The following SLMAP variants were observed in gnomAD, a reference collection of about 807,000 sequenced individuals.
SLMAP encodes sarcolemma associated protein.
Under a neutral mutation model 128.8 loss-of-function variants are expected in SLMAP, and 44 were observed. The observed-to-expected ratio is 0.34, with a 90% CI of 0.27 to 0.44. The LOEUF is 0.44. Ranked by LOEUF, SLMAP falls within the 20% of genes least tolerant of loss-of-function variation. The pLI is 1.00. For synonymous variants in SLMAP, 327 were observed against 348.8 expected (o/e 0.94, Z 0.70); for missense variants, 787 against 985.3 (o/e 0.80, Z 2.69).
chr3:57,757,931 C>A, intron 2 of SLMAP, 82 bp downstream of exon 2: 1 of 1,207,428 alleles, frequency 8.3e-7, no homozygotes, highest in Non-Finnish European at 1.2e-6. Context: ...CTAATGTATG[C>A]AGGATCCCAG....
At chr3:57,905,972 G>A (rs1399810072) in intron 17 of SLMAP, among the ~76,000 whole-genome samples, 1 of 147,392 alleles carries the variant, frequency 6.8e-6, no homozygotes, top group East Asian at 2.0e-4. Context: ...CCTACTCAAG[G>A]AATTAATGTC....
intron 2 of SLMAP, among the ~76,000 whole-genome samples, chr3:57,825,783 G>A (rs979630703): frequency 3.9e-5 from 6 of 152,162 alleles, no homozygotes; most frequent in African/African-American, 1.4e-4. Flanking sequence ...CCCACGCTGG[G>A]AATGCAGGCT....
intron 14 of SLMAP, among the ~76,000 whole-genome samples, chr3:57,874,846 C>T (rs1305837597): frequency 6.2e-5 from 9 of 144,762 alleles, no homozygotes; most frequent in South Asian, 4.3e-4. Context: ...GCAACAAGAG[C>T]GAAACTCTGT....
At chr3:57,870,975 A>G (rs1253659847) in intron 13 of SLMAP, among the ~76,000 whole-genome samples, 3 of 152,182 alleles carry the variant, frequency 2.0e-5, no homozygotes, top group East Asian at 1.9e-4. Context: ...TATTGTCTCC[A>G]TTCATTTCTT....
In SLMAP at chr3:57,756,998, G is replaced by GCCAGGCCGGGGACCGCGTCCC. The variant is rs1333447679; in HGVS notation, c.-651_-631dup. On this transcript the variant is annotated 5_prime_UTR_variant, in exon 2 of 25. Transcript: ENST00000671191. The stretch of plus-strand genomic sequence containing the variant: ...CTCAGCCACCGCCGTCTCGGATCGT[G>GCCAGGCCGGGGACCGCGTCCC]CCAGGCCGGGGACCGCGTCCCCCTT... The GCCAGGCCGGGGACCGCGTCCC allele has an allele frequency of 6.5e-6, 1 of 153,252 alleles. No homozygotes were observed. Among genetic ancestry groups the GCCAGGCCGGGGACCGCGTCCC allele is most frequent in the African/African-American group, 2.4e-5 (1 of 41,408 alleles). The allele number at this position is 153,252 out of a possible 1,614,324, so 9.5% of individuals were successfully genotyped here. A position where few individuals can be genotyped will look rare whatever the true frequency, so the allele number is the denominator to read the frequency against.
intron 3 of SLMAP, among the ~76,000 whole-genome samples, chr3:57,838,163 T>TA (rs1246233042): frequency 2.0e-5 from 3 of 152,306 alleles, no homozygotes; most frequent in Admixed American, 1.3e-4. Context: ...TTTTCTTTTT[T>TA]AAAAAAACAA....
intron 2 of SLMAP, among the ~76,000 whole-genome samples, chr3:57,816,706 T>A (rs942524833): frequency 1.9e-4 from 29 of 152,254 alleles, no homozygotes; most frequent in African/African-American, 7.0e-4. Flanking sequence ...GAGAGTTAGC[T>A]GCTTAACTTG....
At chr3:57,791,176 C>T (rs1301540559) in intron 2 of SLMAP, among the ~76,000 whole-genome samples, 1 of 151,820 alleles carries the variant, frequency 6.6e-6, no homozygotes, top group African/African-American at 2.4e-5. Context: ...GCCAACATGG[C>T]GAAACCCCAT....
At chr3:57,891,025 A>G (rs2096056356) in intron 15 of SLMAP, 1 of 152,158 alleles carries the variant, frequency 6.6e-6, no homozygotes. Flanking sequence ...CATCATTAAT[A>G]TTGTTTTGGC....
intron 17 of SLMAP, chr3:57,898,147 C>G (rs1273023911): frequency 2.0e-5 from 3 of 152,164 alleles, no homozygotes; most frequent in African/African-American, 7.2e-5. Flanking sequence ...GGAAGGAGCA[C>G]TCTTACTGAT....
intron 2 of SLMAP, among the ~76,000 whole-genome samples, chr3:57,827,822 A>G (rs918963120): frequency 2.0e-5 from 3 of 152,068 alleles, no homozygotes; most frequent in Admixed American, 6.5e-5. Flanking sequence ...GAAGAAGGTT[A>G]TCAGCATAGA....
chr3:57,925,566 G>A (rs1208837994), intron 23 of SLMAP, among the ~76,000 whole-genome samples: 1 of 151,796 alleles, frequency 6.6e-6, no homozygotes, highest in Non-Finnish European at 1.5e-5. Flanking sequence ...GACCTCAGGT[G>A]ATCCACCTGC....
At chr3:57,857,974 A>G in intron 7 of SLMAP, 114 bp from the exon 8 acceptor site, 1 of 915,798 alleles carries the variant, frequency 1.1e-6, no homozygotes, top group Non-Finnish European at 1.8e-6. Flanking sequence ...TTTACAGTGG[A>G]TGCTGGTCAG....
In SLMAP at chr3:57,864,604, A is replaced by G. The variant is rs780828309; in HGVS notation, c.1023A>G (p.Glu341=). 13 of 1,593,642 alleles carry G rather than the reference A, an allele frequency of 8.2e-6. No homozygotes were observed. The highest frequency in any genetic ancestry group is 1.2e-5 in the South Asian group (1 of 85,212). The change falls in exon 11 of 25, where the codon GAA becomes GAG. Residue 341 remains glutamate, a synonymous_variant. Transcript: ENST00000671191. The part of the protein sequence containing the change: ...IQQKGQAEKK[E]LQHKIDEMEE... The stretch of plus-strand genomic sequence containing the variant: ...AGAAGGGACAGGCTGAGAAAAAAGA[A>G]TTACAACATAAAATAGATGAAATGG...
chr3:57,764,200 C>CGTTT (rs2079204398), intron 2 of SLMAP, among the ~76,000 whole-genome samples: 1 of 152,036 alleles, frequency 6.6e-6, no homozygotes, highest in Non-Finnish European at 1.5e-5. Flanking sequence ...ACATACCAAA[C>CGTTT]CCCTGTTTAA....
intron 22 of SLMAP, among the ~76,000 whole-genome samples, chr3:57,918,932 G>A (rs2096863467): frequency 6.6e-6 from 1 of 152,136 alleles, no homozygotes; most frequent in Admixed American, 6.6e-5. Context: ...TCTTAATCAG[G>A]ACCAAGCTCA....
At chr3:57,771,640 C>A (rs1198859488) in intron 2 of SLMAP, among the ~76,000 whole-genome samples, 1 of 152,170 alleles carries the variant, frequency 6.6e-6, no homozygotes, top group Non-Finnish European at 1.5e-5. Flanking sequence ...ATCCCCCCAC[C>A]TTGGCCTCCC....
chr3:57,805,881 T>G (rs1454568923), intron 2 of SLMAP, among the ~76,000 whole-genome samples: 1 of 152,074 alleles, frequency 6.6e-6, no homozygotes, highest in Non-Finnish European at 1.5e-5. Context: ...ATGTTTCAAG[T>G]CCCCTCCCTA....
Position 57,865,258 on chromosome 3 carries a change from C to A in SLMAP, c.1203C>A (p.Asp401Glu). ...TAATCCTAGGGATACAAGTTGATGA[C>A]TTCTTACCTAAAATAAATGGGAGCA... ...ECSSLGIQVD[D>E]FLPKINGSTE... Residue 401 changes from aspartate (D) to glutamate (E), a missense_variant, in exon 13 of 25, where the codon GAC becomes GAA. Asp to Glu is a conservative substitution (Grantham distance 45, BLOSUM62 2). Coordinates refer to ENST00000671191, the MANE Select transcript of SLMAP (RefSeq NM_001377540.1). 1 of 1,489,458 alleles carries A rather than the reference C, an allele frequency of 6.7e-7. No individual in the cohort carries two copies. Among genetic ancestry groups the A allele is most frequent in the Non-Finnish European group, 9.1e-7 (1 of 1,097,596 alleles). The allele number at this position is 1,489,458 out of a possible 1,614,324, so 92.3% of individuals were successfully genotyped here.
Sources: gnomAD v4.1 joint callset for allele counts (sites outside exome capture counted in the v4.1 genomes callset) on GRCh38, gnomAD v4.1.1 for gene constraint, MANE v1.5 for transcripts, NCBI Gene and HGNC (gene_info 2026-07-23, HGNC 2026-07-21) for gene names.